The following MCM10 variants were observed in gnomAD, a reference collection of about 807,000 sequenced individuals.
MCM10 encodes minichromosome maintenance 10 replication initiation factor.
Under a neutral mutation model 109.9 loss-of-function variants are expected in MCM10, and 91 were observed. The ratio of observed to expected loss-of-function variants is 0.83; its 90% CI spans 0.70 to 0.99. The LOEUF (loss-of-function observed/expected upper bound fraction) is 0.99, where lower values mean the gene tolerates loss of function less well. Among genes scored for constraint, MCM10 ranks in the 50% least tolerant of loss-of-function variants. The pLI is 0.00. For missense variants in MCM10, 1,077 were observed against 1,061.2 expected, an observed-to-expected ratio of 1.01 and a Z score of -0.21; for synonymous variants, 380 against 387.2, an observed-to-expected ratio of 0.98 and a Z score of 0.22.
intron 13 of MCM10, among the ~76,000 whole-genome samples, chr10:13,192,877 TTC>T (rs1257627327): frequency 6.6e-6 from 1 of 151,566 alleles, no homozygotes; most frequent in African/African-American, 2.4e-5. Flanking sequence ...GGCTGTCATT[TTC>T]TCTCTCTCTC....
rs1834093695 is a variant in MCM10, at chr10:13,172,830, A to G, written c.592+65A>G. ...TGTGTTTATGTGTGTGGGGGTGTTC[A>G]TGTGTGTGTGGGTGTCTGTGTCTTT... On this transcript the variant is annotated intron_variant, in intron 5 of 19. Coordinates refer to ENST00000378714, the MANE Select transcript of MCM10 (RefSeq NM_018518.5). The surrounding 1 kb of genome is among the most constrained non-coding windows in gnomAD (Gnocchi z 5.2). 6.6e-7 allele frequency: 1 copy of G among 1,517,804 alleles called. No homozygotes were observed. Among genetic ancestry groups the G allele is most frequent in the Admixed American group, 1.8e-5 (1 of 56,972 alleles). The allele number at this position is 1,517,804 out of a possible 1,614,324, so 94.0% of individuals were successfully genotyped here. A position where few individuals can be genotyped will look rare whatever the true frequency, so the allele number is the denominator to read the frequency against.
At chr10:13,201,300 C>A in intron 16 of MCM10, 121 bp from the exon 17 acceptor site, 1 of 678,902 alleles carries the variant, frequency 1.5e-6, no homozygotes, top group Admixed American at 2.3e-5. Flanking sequence ...CTCTTCCATT[C>A]TGTTCTGTTT....
At chr10:13,187,919 C>A (rs185709002) in intron 9 of MCM10, among the ~76,000 whole-genome samples, 2 of 152,130 alleles carry the variant, frequency 1.3e-5, no homozygotes, top group Non-Finnish European at 1.5e-5. Flanking sequence ...CCGAAGTGGG[C>A]CGATCACTTG....
At chr10:13,206,600 A>G (rs966893140) in intron 18 of MCM10, among the ~76,000 whole-genome samples, 1 of 152,172 alleles carries the variant, frequency 6.6e-6, no homozygotes, top group Non-Finnish European at 1.5e-5. Flanking sequence ...AGTTATTTAT[A>G]TATTGATACT....
rs372795463 is a variant in MCM10 at position 13,192,268 on chromosome 10, G to A, written c.1530G>A (p.Lys510=). ...ETRQKLGIPQ[K]SLSCSEEFKE... The stretch of plus-strand genomic sequence containing the variant: ...GACCTGGCACAGGAATACCCCAGAA[G>A]AGCCTGTCTTGCTCTGAGGAGTTCA... The change falls in exon 12 of 20, where the codon AAG becomes AAA. Residue 510 remains lysine (K), a synonymous_variant. Transcript: ENST00000378714. The A allele has an allele frequency of 1.9e-6, 3 of 1,613,502 alleles. No individual in the cohort carries two copies. Among genetic ancestry groups the A allele is most frequent in the African/African-American group, 2.7e-5 (2 of 74,920 alleles).
chr10:13,190,783 ATATTGTTCC>A (rs371787055), intron 10 of MCM10, among the ~76,000 whole-genome samples: 3,324 of 152,206 alleles, frequency 0.022, 62 homozygotes, highest in South Asian at 0.077. Context: ...AAATGAGATC[ATATTGTTCC>A]TATTCTTTGT....
At chr10:13,176,606 G>GT (rs1368052404) in intron 6 of MCM10, among the ~76,000 whole-genome samples, 2 of 152,204 alleles carry the variant, frequency 1.3e-5, no homozygotes, top group Non-Finnish European at 2.9e-5. Context: ...CAATAAAAGT[G>GT]TATTATAAGG....
In MCM10 at chr10:13,183,053, G is replaced by T. The variant is rs3765519; in HGVS notation, c.1051G>T (p.Gly351Trp). 1 of 1,614,186 alleles carries T rather than the reference G, an allele frequency of 6.2e-7. No individual in the cohort carries two copies. The highest frequency in any genetic ancestry group is 2.2e-5 in the East Asian group (1 of 44,882). ...GAAGACGGAGCAGGGGACTGTCGTAGGGATCCTCAATGCCAACCCCATGAA... is the reference window on the plus strand; with the variant it reads ...GAAGACGGAGCAGGGGACTGTCGTATGGATCCTCAATGCCAACCCCATGAA... ...LWKTEQGTVV[G>W]ILNANPMKPK... The change falls in exon 8 of 20, where the codon GGG (glycine) becomes TGG (tryptophan). Residue 351 changes from glycine to tryptophan, a missense_variant. Physicochemically the swap from Gly to Trp is radical, Grantham distance 184. Coordinates refer to ENST00000378714, the MANE Select transcript of MCM10 (RefSeq NM_018518.5).
chr10:13,201,743 G>T (rs1834503327), intron 17 of MCM10: 2 of 545,914 alleles, frequency 3.7e-6, no homozygotes, highest in Non-Finnish European at 6.5e-6. Flanking sequence ...TTGTCGAGGG[G>T]ATTCTTCTCT....
intron 13 of MCM10, among the ~76,000 whole-genome samples, chr10:13,193,071 G>C (rs111767487): frequency 7.9e-5 from 12 of 152,114 alleles, no homozygotes; most frequent in African/African-American, 2.9e-4. Context: ...TTTTTTTATA[G>C]AGACTGGGTT....
intron 13 of MCM10, among the ~76,000 whole-genome samples, chr10:13,194,309 G>A (rs1235133741): frequency 1.3e-5 from 2 of 152,230 alleles, no homozygotes; most frequent in South Asian, 2.1e-4. Flanking sequence ...GTGGCAGCGA[G>A]CCGCAATCGT....
intron 9 of MCM10, among the ~76,000 whole-genome samples, chr10:13,187,242 C>A (rs1384448807): frequency 6.6e-6 from 1 of 152,210 alleles, no homozygotes; most frequent in Non-Finnish European, 1.5e-5. Flanking sequence ...GTGGCCTTTT[C>A]TGTCTGGCTT....
intron 18 of MCM10, among the ~76,000 whole-genome samples, chr10:13,204,998 G>GCA (rs1834554878): frequency 5.1e-5 from 1 of 19,564 alleles, no homozygotes; most frequent in African/African-American, 1.3e-4. Context: ...ATGTATGTAT[G>GCA]TATGTATATA....
intron 6 of MCM10, 36 bp from the exon 7 acceptor site, chr10:13,180,406 G>C (rs770203357): frequency 6.3e-7 from 1 of 1,579,574 alleles, no homozygotes; most frequent in Non-Finnish European, 8.6e-7. Flanking sequence ...TTCTTTATTA[G>C]AATCATAATT....
Position 13,209,239 on chromosome 10 carries a change from C to T in MCM10, c.2554C>T (p.Pro852Ser). 3 of 1,613,594 alleles carry T rather than the reference C, an allele frequency of 1.9e-6. No homozygotes were observed. Among genetic ancestry groups the T allele is most frequent in the Non-Finnish European group, 2.5e-6 (3 of 1,179,554 alleles). ...TTCATTTTTCTAGGAAAAGACTGGT[C>T]CAAAGATAGGAGGAGAAACTCTGTT... The part of the protein sequence containing the change: ...RDGMLKEKTG[P>S]KIGGETLLPR... The change falls in exon 20 of 20, where the codon CCA becomes TCA. Residue 852 changes from proline to serine, a missense_variant. By Grantham distance (74) the Pro-to-Ser change is moderately conservative (BLOSUM62 -1). Coordinates refer to ENST00000378714, the MANE Select transcript of MCM10 (RefSeq NM_018518.5).
At chr10:13,198,214 A>G (rs1433736797) in intron 15 of MCM10, among the ~76,000 whole-genome samples, 1 of 152,108 alleles carries the variant, frequency 6.6e-6, no homozygotes, top group Non-Finnish European at 1.5e-5. Context: ...TGATTTTTTT[A>G]TAATTACATT....
intron 2 of MCM10, 77 bp downstream of exon 2, chr10:13,164,286 C>A (rs1833966416): frequency 7.1e-7 from 1 of 1,413,156 alleles, no homozygotes; most frequent in Non-Finnish European, 9.6e-7. Flanking sequence ...ATTTATTCTA[C>A]CTGTAAAATG....
chr10:13,164,318 CAGGTA>C, intron 2 of MCM10, 109 bp downstream of exon 2: 1 of 1,050,344 alleles, frequency 9.5e-7, no homozygotes, highest in Non-Finnish European at 1.4e-6. Flanking sequence ...CCCCAGCCCT[CAGGTA>C]TTGTCTTAGT....
chr10:13,204,119 G>T, intron 17 of MCM10, 100 bp from the exon 18 acceptor site: 1 of 1,430,134 alleles, frequency 7.0e-7, no homozygotes, highest in South Asian at 1.4e-5. Context: ...GTAGTGATGA[G>T]AGACCAGGTG....
Sources: gnomAD v4.1 joint callset for allele counts (sites outside exome capture counted in the v4.1 genomes callset) on GRCh38, gnomAD v4.1.1 for gene constraint, Gnocchi (gnomAD v3.1) non-coding constraint, MANE v1.5 for transcripts, NCBI Gene and HGNC (gene_info 2026-07-23, HGNC 2026-07-21) for gene names.